The following PPFIA2 variants were observed in gnomAD, a reference collection of about 807,000 sequenced individuals.
The protein encoded by PPFIA2 is PPFI scaffold protein A2.
In PPFIA2, 46 loss-of-function variants were observed where a neutral mutation model predicts 175.5. That is an observed-to-expected ratio of 0.26 (90% CI 0.21 to 0.34). PPFIA2 has a LOEUF of 0.34. Ranked by LOEUF, PPFIA2 falls within the 10% of genes least tolerant of loss-of-function variation. The pLI, the probability that PPFIA2 is intolerant of heterozygous loss-of-function variation, is 1.00. For synonymous variants in PPFIA2, 568 were observed against 511.4 expected (o/e 1.11, Z -1.49); for missense variants, 1,179 against 1,506.1 (o/e 0.78, Z 3.60).
intron 22 of PPFIA2, among the ~76,000 whole-genome samples, chr12:81,314,357 C>G (rs964764902): frequency 6.6e-5 from 10 of 151,738 alleles, no homozygotes; most frequent in African/African-American, 2.2e-4. Flanking sequence ...CTCTCCATGT[C>G]AGAAGTGTCA....
At chr12:81,706,796 C>G (rs2153608896) in intron 3 of PPFIA2, among the ~76,000 whole-genome samples, 1 of 152,302 alleles carries the variant, frequency 6.6e-6, no homozygotes, top group East Asian at 1.9e-4. Flanking sequence ...GTAACCAAAA[C>G]AGCATGGTAC....
intron 8 of PPFIA2, among the ~76,000 whole-genome samples, chr12:81,399,159 G>A (rs539871405): frequency 6.6e-6 from 1 of 151,924 alleles, no homozygotes; most frequent in African/African-American, 2.4e-5. Context: ...ACTTATTCTT[G>A]TGTACATCAC....
In PPFIA2 at chr12:81,358,205, G is replaced by T; in HGVS notation, c.1650C>A (p.Asp550Glu). ...IEPTIPRTHLDTSAELRYSVG... is the reference protein window; with the variant it reads ...IEPTIPRTHLETSAELRYSVG... The stretch of plus-strand genomic sequence containing the variant: ...CTGAGTACCGCAACTCAGCTGAGGT[G>T]TCTAGATGAGTTCTGGAAAAAAGGA... Residue 550 changes from aspartate to glutamate, a missense_variant, in exon 16 of 33, where the codon GAC (aspartate) becomes GAA (glutamate). By Grantham distance (45) the Asp-to-Glu change is conservative. This residue lies in a region of PPFIA2 where 186 missense variants were observed against 163.6 expected (regional missense o/e 1.14). Coordinates refer to ENST00000549396, the MANE Select transcript of PPFIA2 (RefSeq NM_003625.5). 1 of 1,584,408 alleles carries T rather than the reference G, an allele frequency of 6.3e-7. No individual in the cohort carries two copies. The highest frequency in any genetic ancestry group is 8.6e-7 in the Non-Finnish European group (1 of 1,164,786).
At chr12:81,553,709 G>A (rs2068340071) in intron 4 of PPFIA2, among the ~76,000 whole-genome samples, 2 of 151,982 alleles carry the variant, frequency 1.3e-5, no homozygotes, top group South Asian at 4.1e-4. Flanking sequence ...GACTTTGCAT[G>A]ATGCTAGTCC....
Position 81,707,564 on chromosome 12 carries a change from A to T in PPFIA2, c.250-30720T>A, listed in dbSNP as rs1241500315. The stretch of plus-strand genomic sequence containing the variant: ...TGTGGAGAAATAGGAACACTTTTAC[A>T]CTGTTGGTGGGACTGTAAACTAGTT... On this transcript the variant is annotated intron_variant, in intron 3 of 32. Coordinates refer to ENST00000549396, the MANE Select transcript of PPFIA2 (RefSeq NM_003625.5). Among the ~76,000 whole-genome samples, 56 of 149,832 alleles carry T rather than the reference A, an allele frequency of 3.7e-4. 2 individuals carry two copies. In the South Asian group the frequency reaches 0.012, roughly 31 times the overall value.
chr12:81,269,261 G>A (rs866407138), intron 28 of PPFIA2, among the ~76,000 whole-genome samples: 107 of 151,698 alleles, frequency 7.1e-4, no homozygotes, highest in African/African-American at 2.3e-3. Flanking sequence ...GAAACTTAAG[G>A]GGATATGAGA....
rs768985652 is a variant in PPFIA2 at position 81,754,182 on chromosome 12, G to C, written c.40C>G (p.Pro14Ala). 1 of 1,610,444 alleles carries C rather than the reference G, an allele frequency of 6.2e-7. No homozygotes were observed. The highest frequency in any genetic ancestry group is 8.5e-7 in the Non-Finnish European group (1 of 1,178,126). Reference protein sequence around the residue: ...EVMPTINEDTPMSQRGSQSSG... With the variant: ...EVMPTINEDTAMSQRGSQSSG... ...CTTTGGGACCCCCTTTGGCTCATTG[G>C]GGTGTCCTCATTAATCGTGGGCATC... The change falls in exon 3 of 33, where the codon CCA becomes GCA. Residue 14 changes from proline to alanine, a missense_variant. Coordinates refer to ENST00000549396, the MANE Select transcript of PPFIA2 (RefSeq NM_003625.5).
intron 22 of PPFIA2, among the ~76,000 whole-genome samples, chr12:81,311,460 G>A (rs1054655803): frequency 1.1e-4 from 16 of 152,226 alleles, no homozygotes; most frequent in African/African-American, 3.4e-4. Flanking sequence ...GCGGCCCGGC[G>A]TGGTGGCTCA....
At chr12:81,510,136 T>C (rs2061614870) in intron 4 of PPFIA2, among the ~76,000 whole-genome samples, 2 of 152,050 alleles carry the variant, frequency 1.3e-5, no homozygotes, top group Admixed American at 1.3e-4. Context: ...AGCTATTATA[T>C]ATATTTATTA....
chr12:81,428,196 C>G (rs974507935), intron 7 of PPFIA2, among the ~76,000 whole-genome samples: 1 of 151,780 alleles, frequency 6.6e-6, no homozygotes, highest in African/African-American at 2.4e-5. Context: ...TCTCCACATG[C>G]AACAATAGAA....
At chr12:81,659,657 G>T (rs924008113) in intron 4 of PPFIA2, among the ~76,000 whole-genome samples, 1 of 152,154 alleles carries the variant, frequency 6.6e-6, no homozygotes, top group African/African-American at 2.4e-5. Context: ...AAAGGCAGCA[G>T]AAACCTCTGC....
intron 4 of PPFIA2, among the ~76,000 whole-genome samples, chr12:81,593,540 T>G (rs945062682): frequency 1.3e-5 from 2 of 152,208 alleles, no homozygotes; most frequent in Non-Finnish European, 2.9e-5. Context: ...TTGGTCTCCA[T>G]GTATGAGGAA....
At chr12:81,648,122 C>T (rs1343051094) in intron 4 of PPFIA2, among the ~76,000 whole-genome samples, 1 of 150,964 alleles carries the variant, frequency 6.6e-6, no homozygotes, top group Non-Finnish European at 1.5e-5. Context: ...GTTAGTTCAA[C>T]AACTGAAATC....
chr12:81,284,259 A>G lies in PPFIA2; in HGVS notation c.2970T>C (p.Leu990=). 2.5e-6 allele frequency: 4 copies of G among 1,597,322 alleles called. No homozygotes were observed. Among genetic ancestry groups the G allele is most frequent in the Non-Finnish European group, 3.4e-6 (4 of 1,167,626 alleles). ...GACTAACCGTTTTTGCTGGAGCTGC[A>G]AGATTTTCCATTTCTTCATGAGTCA... is the stretch of plus-strand genomic sequence containing the variant. ...VWVTHEEMEN[L]AAPAKTKESE... is the part of the protein sequence containing the mutation. The change falls in exon 25 of 33, where the codon CTT becomes CTC. Residue 990 remains leucine (L), a synonymous_variant. Transcript: ENST00000549396.
At chr12:81,740,165 T>G (rs1168690232) in intron 3 of PPFIA2, among the ~76,000 whole-genome samples, 1 of 152,162 alleles carries the variant, frequency 6.6e-6, no homozygotes, top group Non-Finnish European at 1.5e-5. Flanking sequence ...ATTCAGAATC[T>G]TACTCAATAA....
chr12:81,417,559 T>C (rs1442909487), intron 7 of PPFIA2, among the ~76,000 whole-genome samples: 1 of 151,688 alleles, frequency 6.6e-6, no homozygotes, highest in East Asian at 1.9e-4. Context: ...GCTAGGGCAA[T>C]AAAAAGGATT....
rs540345522 is a variant in PPFIA2, at chr12:81,648,352, TA to T, written c.303+28438del. Among the ~76,000 whole-genome samples the T allele has an allele frequency of 4.3e-3, 657 of 151,952 alleles. 7 individuals carry two copies. The highest frequency in any genetic ancestry group is 0.014 in the African/African-American group (594 of 41,512). On this transcript the variant is annotated intron_variant, in intron 4 of 32. Coordinates refer to ENST00000549396, the MANE Select transcript of PPFIA2 (RefSeq NM_003625.5). ...ATTTCACAGCTGACATTCATCTATG[TA>T]AAAAAAGCTATTAGAACTAATAGTG...
chr12:81,754,254 G>A (rs1568141506), intron 2 of PPFIA2, 31 bp from the exon 3 acceptor site: 1 of 1,553,826 alleles, frequency 6.4e-7, no homozygotes, highest in Non-Finnish European at 8.7e-7. Context: ...AGGAGTCTTA[G>A]TAAAGAAATG....
chr12:81,644,770 A>G (rs2065825975), intron 4 of PPFIA2, among the ~76,000 whole-genome samples: 2 of 152,126 alleles, frequency 1.3e-5, no homozygotes, highest in African/African-American at 4.8e-5. Flanking sequence ...CTATGTAAGC[A>G]TAGTGCTCAA....
Sources: allele counts gnomAD v4.1 joint callset (sites outside exome capture counted in the v4.1 genomes callset), GRCh38; gene constraint gnomAD v4.1.1; regional missense constraint gnomAD v4.1.1; transcripts MANE v1.5; gene names NCBI Gene and HGNC (gene_info 2026-07-23, HGNC 2026-07-21).